Variants in GPR160 observed in about 807,000 individuals in gnomAD.
GPR160 encodes G protein-coupled receptor 160, also known as probable G protein-coupled receptor 160.
Under a neutral mutation model 2.6 loss-of-function variants are expected in GPR160, and 2 were observed. The observed-to-expected ratio is 0.77, with a 90% confidence interval of 0.32 to 2.44. The LOEUF (loss-of-function observed/expected upper bound fraction) is 2.44. Among genes scored for constraint, GPR160 ranks in the 30% most tolerant of loss-of-function variants. The pLI is 0.11. For synonymous variants in GPR160, 130 were observed against 132.2 expected, an observed-to-expected ratio of 0.98 and a Z score of 0.12; for missense variants, 351 against 383.6, an observed-to-expected ratio of 0.91 and a Z score of 0.71.
rs754786078 is a variant in GPR160 at position 170,084,317 on chromosome 3, A to T, written c.345A>T (p.Thr115=). ...TTTTGCATTATCCAGTTTTCCTGAC[A>T]GCTTGTATAGATTATTGCCTGAATT... ...YGFLHYPVFL[T]ACIDYCLNFS... The change falls in exon 4 of 4, where the codon ACA becomes ACT. Residue 115 remains threonine (T), a synonymous_variant. Coordinates refer to ENST00000355897, the MANE Select transcript of GPR160 (RefSeq NM_014373.3). 1.2e-6 allele frequency: 2 copies of T among 1,608,402 alleles called. No individual in the cohort carries two copies. Among genetic ancestry groups the T allele is most frequent in the Admixed American group, 3.4e-5 (2 of 59,460 alleles).
At chr3:170,060,585 A>G (rs1711886053) in intron 2 of GPR160, among the ~76,000 whole-genome samples, 1 of 151,870 alleles carries the variant, frequency 6.6e-6, no homozygotes. Context: ...CAACAGCAAG[A>G]CCCCATCTCT....
At chr3:170,062,832 G>A (rs1266083452) in intron 2 of GPR160, 1 of 563,516 alleles carries the variant, frequency 1.8e-6, no homozygotes, top group African/African-American at 1.9e-5. Context: ...AAGCGGAAAG[G>A]AAAGAAGGAG....
intron 2 of GPR160, among the ~76,000 whole-genome samples, chr3:170,078,855 A>G (rs892701892): frequency 1.3e-5 from 2 of 152,172 alleles, no homozygotes; most frequent in African/African-American, 4.8e-5. Context: ...GAGTGGTGGG[A>G]GAAACTGTAG....
intron 2 of GPR160, among the ~76,000 whole-genome samples, chr3:170,054,411 A>T (rs1253803566): frequency 6.6e-6 from 1 of 152,118 alleles, no homozygotes; most frequent in African/African-American, 2.4e-5. Context: ...AAACATCACC[A>T]CCTTCTGGCA....
intron 2 of GPR160, among the ~76,000 whole-genome samples, chr3:170,064,061 A>G (rs1310440330): frequency 6.6e-6 from 1 of 152,216 alleles, no homozygotes; most frequent in Admixed American, 6.5e-5. Flanking sequence ...ACTTACATGT[A>G]CATAGGTCTT....
In GPR160 at chr3:170,085,250, A is replaced by G. The variant is rs150605418; in HGVS notation, c.*261A>G. 2.0e-4 allele frequency: 48 copies of G among 242,296 alleles called. No homozygotes were observed. The East Asian group carries it at 2.6e-3, about 13-fold the overall frequency. 15.0% of individuals were successfully genotyped at this position (242,296 alleles called of 1,614,324 possible). A position where few individuals can be genotyped will look rare whatever the true frequency, so the allele number is the denominator to read the frequency against. The stretch of plus-strand genomic sequence containing the variant: ...TACTTTGTTATTAACACAAAAAGTG[A>G]TAAGAGTTAACATTTGGCTATACTG... On this transcript the variant is annotated 3_prime_UTR_variant, in exon 4 of 4. Transcript: ENST00000355897.
intron 2 of GPR160, among the ~76,000 whole-genome samples, chr3:170,059,931 A>T (rs1181551830): frequency 2.0e-5 from 3 of 152,112 alleles, no homozygotes; most frequent in Non-Finnish European, 2.9e-5. Context: ...ATGATCTTTC[A>T]AGTATGTATT....
intron 2 of GPR160, among the ~76,000 whole-genome samples, chr3:170,055,058 T>C (rs2108319659): frequency 6.6e-6 from 1 of 152,318 alleles, no homozygotes; most frequent in Admixed American, 6.5e-5. Flanking sequence ...CCTCCCAAAG[T>C]ATTGGGATTA....
intron 3 of GPR160, among the ~76,000 whole-genome samples, chr3:170,081,836 T>C (rs1401775942): frequency 6.6e-6 from 1 of 152,220 alleles, no homozygotes; most frequent in Non-Finnish European, 1.5e-5. Context: ...TTTGGTTTTC[T>C]GTTCCTGCGT....
In GPR160 at chr3:170,041,758, T is replaced by C. The variant is rs528394612; in HGVS notation, c.-193+2715T>C. ...TGTTTGGTTTGTGGCTCTGTTTTCT[T>C]GGTATGAATGAAAGAAGTATGCAAC... On this transcript the variant is annotated intron_variant, in intron 2 of 3. Coordinates refer to ENST00000355897, the MANE Select transcript of GPR160 (RefSeq NM_014373.3). Among the ~76,000 whole-genome samples, 13 of 152,336 alleles carry C rather than the reference T, an allele frequency of 8.5e-5. No individual in the cohort carries two copies. The East Asian group carries it at 2.5e-3, about 29-fold the overall frequency.
Position 170,055,741 on chromosome 3 carries a change from T to C in GPR160, c.-193+16698T>C, listed in dbSNP as rs1711610719. Among the ~76,000 whole-genome samples the C allele has an allele frequency of 2.6e-5, 4 of 152,204 alleles. No individual in the cohort carries two copies. In the South Asian group the frequency reaches 8.3e-4, roughly 32 times the overall value. ...GCTCCGCCTCCCGGGTTCACGCCAT[T>C]CTCCTGCCTCAGCCTCCTGAGTAGC... On this transcript the variant is annotated intron_variant, in intron 2 of 3. Transcript: ENST00000355897.
chr3:170,060,373 T>A (rs1376163421), intron 2 of GPR160, among the ~76,000 whole-genome samples: 1 of 152,166 alleles, frequency 6.6e-6, no homozygotes, highest in Non-Finnish European at 1.5e-5. Context: ...GCAAGGATAA[T>A]AAACGGATGC....
chr3:170,061,868 G>T (rs1437122829), intron 2 of GPR160, among the ~76,000 whole-genome samples: 1 of 151,916 alleles, frequency 6.6e-6, no homozygotes, highest in Non-Finnish European at 1.5e-5. Flanking sequence ...AAATTTCAAG[G>T]CCATGCGCAG....
At chr3:170,080,470 T>C (rs1713069527) in intron 3 of GPR160, among the ~76,000 whole-genome samples, 1 of 152,180 alleles carries the variant, frequency 6.6e-6, no homozygotes, top group Admixed American at 6.5e-5. Flanking sequence ...ACATGTTCCA[T>C]GTCGGACTTG....
intron 2 of GPR160, among the ~76,000 whole-genome samples, chr3:170,050,200 C>T (rs1258504364): frequency 6.6e-6 from 1 of 151,416 alleles, no homozygotes; most frequent in Non-Finnish European, 1.5e-5. Context: ...GCTGGGATTA[C>T]AGGTGCCTGC....
intron 2 of GPR160, among the ~76,000 whole-genome samples, chr3:170,061,274 CAAA>C (rs1167572507): frequency 4.3e-5 from 4 of 92,448 alleles, no homozygotes; most frequent in African/African-American, 4.2e-5. Flanking sequence ...GACTCTGTCT[CAAA>C]AAAAAAAAAA....
rs187274172 is a variant in GPR160 at position 170,083,595 on chromosome 3, C to T, written c.-68-310C>T. On this transcript the variant is annotated intron_variant, in intron 3 of 3. Coordinates refer to ENST00000355897, the MANE Select transcript of GPR160 (RefSeq NM_014373.3). ...TTCTATTTTAGGCATGAGTTTTGGC[C>T]CTGGTAGATAAAACCATTTCTCTAT... The T allele has an allele frequency of 1.9e-5, 3 of 155,482 alleles. No individual in the cohort carries two copies. In the East Asian group the frequency reaches 5.6e-4, roughly 29 times the overall value. 9.6% of individuals were successfully genotyped at this position (155,482 alleles called of 1,614,324 possible).
chr3:170,062,826 G>A (rs1363323665), intron 2 of GPR160: 3 of 576,386 alleles, frequency 5.2e-6, no homozygotes. Flanking sequence ...GGTTGAAAGC[G>A]GAAAGGAAAG....
chr3:170,084,612 A>G lies in GPR160; in HGVS notation c.640A>G (p.Thr214Ala). ...VTTLVQAIRI[T>A]SYMNETILYF... Reference sequence around the variant, plus strand: ...TACTTTGGTACAGGCTATCAGGATAACTTCCTATATGAATGAAACTATCTT... The same window carrying G: ...TACTTTGGTACAGGCTATCAGGATAGCTTCCTATATGAATGAAACTATCTT... Residue 214 changes from threonine (T) to alanine (A), a missense_variant, in exon 4 of 4, where the codon ACT becomes GCT. Physicochemically the swap from Thr to Ala is moderately conservative, Grantham distance 58. Coordinates refer to ENST00000355897, the MANE Select transcript of GPR160 (RefSeq NM_014373.3). The G allele has an allele frequency of 6.2e-7, 1 of 1,612,554 alleles. No individual in the cohort carries two copies. Among genetic ancestry groups the G allele is most frequent in the Non-Finnish European group, 8.5e-7 (1 of 1,178,640 alleles).
Sources: gnomAD v4.1 joint callset for allele counts (sites outside exome capture counted in the v4.1 genomes callset) on GRCh38, gnomAD v4.1.1 for gene constraint, MANE v1.5 for transcripts, NCBI Gene and HGNC (gene_info 2026-07-23, HGNC 2026-07-21) for gene names.